The following STXBP2 variants were observed in gnomAD, a reference collection of about 807,000 sequenced individuals.
STXBP2 encodes the protein syntaxin binding protein 2, also known as syntaxin-binding protein 2.
In STXBP2, 47 loss-of-function variants were observed where a neutral mutation model predicts 72.2. The observed-to-expected ratio is 0.65, with a 90% CI of 0.51 to 0.83. The LOEUF (loss-of-function observed/expected upper bound fraction) is 0.83, where lower values mean the gene tolerates loss of function less well. Ranked by LOEUF, STXBP2 falls within the 40% of genes least tolerant of loss-of-function variation. The pLI is 0.00. For synonymous variants in STXBP2, 367 were observed against 338.7 expected (o/e 1.08, Z -0.92); for missense variants, 702 against 807.6 (o/e 0.87, Z 1.58).
At chr19:7,639,994 G>A (rs1234906617) in intron 4 of STXBP2, 187 bp downstream of exon 4, 2 of 699,228 alleles carry the variant, frequency 2.9e-6, no homozygotes, top group African/African-American at 3.8e-5. Context: ...GTGTTTGCAT[G>A]TGTGTCTATG....
At chr19:7,638,804 C>T in intron 2 of STXBP2, 29 bp downstream of exon 2, 1 of 1,613,988 alleles carries the variant, frequency 6.2e-7, no homozygotes, top group Non-Finnish European at 8.5e-7. Flanking sequence ...GCTGGGTACC[C>T]AGAGGCAGCT....
chr19:7,637,352 G>A (rs1244394962), intron 1 of STXBP2, among the ~76,000 whole-genome samples, 166 bp downstream of exon 1: 1 of 152,160 alleles, frequency 6.6e-6, no homozygotes, highest in East Asian at 1.9e-4. Flanking sequence ...TTCCCAGCTG[G>A]ACGCCCCTGC....
chr19:7,639,533 G>A, intron 3 of STXBP2, 198 bp from the exon 4 acceptor site: 2 of 630,546 alleles, frequency 3.2e-6, no homozygotes, highest in Non-Finnish European at 5.7e-6. Context: ...GTAAATTTGG[G>A]GAACCCAGTT....
intron 4 of STXBP2, chr19:7,640,246 GTGTGTGCA>G: frequency 1.8e-6 from 1 of 541,512 alleles, no homozygotes; most frequent in Non-Finnish European, 3.5e-6. Context: ...GTGTGTATCT[GTGTGTGCA>G]TGTGTGTATG....
In STXBP2 at chr19:7,644,644, G is replaced by T. The variant is rs772141641; in HGVS notation, c.1138G>T (p.Glu380Ter). The T allele has an allele frequency of 6.2e-7, 1 of 1,613,420 alleles. No individual in the cohort carries two copies. Among genetic ancestry groups the T allele is most frequent in the Admixed American group, 1.7e-5 (1 of 59,998 alleles). Reference protein sequence around the residue: ...DLAMGSDAEGEKIKDSMKLIV... With the variant: ...DLAMGSDAEG ...GGCCATGGGCTCCGACGCAGAGGGG[G>T]AGAAGATCAAGGACTCCATGAAGCT... The change falls in exon 14 of 19, where the codon GAG becomes TAG. Residue 380 changes from glutamate (E) to a stop codon, truncating the protein, a stop_gained. Coordinates refer to ENST00000221283, the MANE Select transcript of STXBP2 (RefSeq NM_006949.4). LOFTEE classifies it high-confidence loss of function.
At chr19:7,633,948 C>T (rs553308902), upstream of STXBP2, 1 of 154,546 alleles carries the variant, frequency 6.5e-6, no homozygotes, top group Non-Finnish European at 1.4e-5. Flanking sequence ...CCCTCCCTCT[C>T]TGCACCTGCC....
At chr19:7,640,637 A>C in intron 4 of STXBP2, 94 bp from the exon 5 acceptor site, 1 of 1,525,354 alleles carries the variant, frequency 6.6e-7, no homozygotes, top group Non-Finnish European at 9.1e-7. Context: ...CCATGTTTGC[A>C]CATGGTGGCA....
At chr19:7,643,273 G>A (rs201578879) in intron 13 of STXBP2, 28 bp downstream of exon 13, 18,544 of 1,609,290 alleles carry the variant, frequency 0.012, 140 homozygotes, top group Non-Finnish European at 0.013. Context: ...GGGGGCAGGG[G>A]TGATGGTCCT....
Position 7,645,027 on chromosome 19 carries a change from C to A in STXBP2, c.1247-170C>A, listed in dbSNP as rs1043114778. The A allele has an allele frequency of 2.6e-5, 38 of 1,453,538 alleles. No homozygotes were observed. In the African/African-American group the frequency reaches 5.0e-4, roughly 19 times the overall value. The allele number at this position is 1,453,538 out of a possible 1,614,324, so 90.0% of individuals were successfully genotyped here. A position where few individuals can be genotyped will look rare whatever the true frequency, so the allele number is the denominator to read the frequency against. ...CTCATCTGGAGGAGCCCCTGATCTACCCCCTCCAGGTTTCCCACTCTTGCT... is the reference window on the plus strand; with the variant it reads ...CTCATCTGGAGGAGCCCCTGATCTAACCCCTCCAGGTTTCCCACTCTTGCT... On this transcript the variant is annotated intron_variant, in intron 14 of 18. Coordinates refer to ENST00000221283, the MANE Select transcript of STXBP2 (RefSeq NM_006949.4).
rs2031889651 is a variant in STXBP2, at chr19:7,641,792, G to T, written c.517G>T (p.Ala173Ser). 1.3e-6 allele frequency: 2 copies of T among 1,551,390 alleles called. No homozygotes were observed. Among genetic ancestry groups the T allele is most frequent in the Non-Finnish European group, 8.7e-7 (1 of 1,147,610 alleles). ...GCGCACGCGGCAGCTCGAGGTGCTG[G>T]CCCAGCAGATTGCCACGCTGTGCGC... The part of the protein sequence containing the change: ...EERTRQLEVL[A>S]QQIATLCATL... Residue 173 changes from alanine (A) to serine (S), a missense_variant, in exon 7 of 19, where the codon GCC becomes TCC. Physicochemically the swap from Ala to Ser is moderately conservative, Grantham distance 99 (BLOSUM62 1). Transcript: ENST00000221283.
chr19:7,647,790 G>A lies in STXBP2; in HGVS notation c.1762G>A (p.Glu588Lys). ...CCTGAAGGCACTGGACAAGAAGCTGGAGGACATTGCCCTGCCCTGACCCCT... is the reference window on the plus strand; with the variant it reads ...CCTGAAGGCACTGGACAAGAAGCTGAAGGACATTGCCCTGCCCTGACCCCT... ...DDLKALDKKLEDIALP is the reference protein window; with the variant it reads ...DDLKALDKKLKDIALP The change falls in exon 19 of 19, where the codon GAG becomes AAG. Residue 588 changes from glutamate to lysine, a missense_variant. Glu to Lys is a moderately conservative substitution (Grantham distance 56). Coordinates refer to ENST00000221283, the MANE Select transcript of STXBP2 (RefSeq NM_006949.4). 1 of 1,613,990 alleles carries A rather than the reference G, an allele frequency of 6.2e-7. No individual in the cohort carries two copies.
chr19:7,643,750 G>C (rs113436258), intron 13 of STXBP2, among the ~76,000 whole-genome samples: 3 of 150,938 alleles, frequency 2.0e-5, no homozygotes, highest in African/African-American at 2.4e-5. Flanking sequence ...CCTTGGAGAG[G>C]TGGGACCTGG....
chr19:7,632,713 C>A (rs767150890), upstream of STXBP2: 4 of 1,556,458 alleles, frequency 2.6e-6, no homozygotes, highest in Admixed American at 5.7e-5. This position sits in a 1 kb window ranked among gnomAD's most constrained non-coding sequence, Gnocchi z 5.2. Flanking sequence ...TGCCCATGCT[C>A]ACGGCTCTTG....
chr19:7,630,449 G>T, the STXBP2 span: 7 of 738,464 alleles, frequency 9.5e-6, no homozygotes, highest in South Asian at 1.1e-4. Context: ...GGAGTTCTGG[G>T]ATTCTTGGGT....
At chr19:7,637,010 G>C (rs372154488), upstream of STXBP2, 4 of 983,384 alleles carry the variant, frequency 4.1e-6, no homozygotes, top group African/African-American at 1.7e-5. Context: ...GGGCCTGGGC[G>C]AGAACCGACG....
At chr19:7,643,620 C>G (rs1043733879) in intron 13 of STXBP2, among the ~76,000 whole-genome samples, 25 of 146,810 alleles carry the variant, frequency 1.7e-4, no homozygotes, top group African/African-American at 5.6e-4. Context: ...AGAGGTGGGA[C>G]CTGGGTGAGG....
rs1177667753 is a variant in STXBP2, at chr19:7,641,211, A to G, written c.429+208A>G. The G allele has an allele frequency of 2.0e-5, 13 of 639,430 alleles. No individual in the cohort carries two copies. In the Admixed American group the frequency reaches 3.1e-4, roughly 15 times the overall value. 39.6% of individuals were successfully genotyped at this position (639,430 alleles called of 1,614,324 possible). ...AGACCCCGTCTCTTAAAAAAAGAAA[A>G]AGAAAGAAATTAGCTTGGCGTGGTG... On this transcript the variant is annotated intron_variant, in intron 6 of 18. Transcript: ENST00000221283.
chr19:7,637,933 C>A (rs892432469), intron 1 of STXBP2, among the ~76,000 whole-genome samples: 1 of 152,222 alleles, frequency 6.6e-6, no homozygotes, highest in Admixed American at 6.5e-5. Flanking sequence ...AAAGTGATTC[C>A]ATTTTACAGA....
chr19:7,633,060 G>T, upstream of STXBP2: 1 of 1,367,056 alleles, frequency 7.3e-7, no homozygotes, highest in Non-Finnish European at 9.6e-7. Context: ...GCCACTTCAC[G>T]TGGTACCGCT....
Sources: allele counts gnomAD v4.1 joint callset (sites outside exome capture counted in the v4.1 genomes callset), GRCh38; gene constraint gnomAD v4.1.1; non-coding constraint Gnocchi (gnomAD v3.1); transcripts MANE v1.5; gene names NCBI Gene and HGNC (gene_info 2026-07-23, HGNC 2026-07-21).